Variants in FOXK1 observed in about 807,000 individuals in gnomAD.
FOXK1 encodes the protein forkhead box K1.
In FOXK1, 19 loss-of-function variants were observed where a neutral mutation model predicts 51.9. The ratio of observed to expected loss-of-function variants is 0.37; its 90% CI spans 0.26 to 0.54. FOXK1 has a LOEUF of 0.54. FOXK1 is among the 20% of genes least tolerant of loss of function. The pLI is 0.87. For missense variants in FOXK1, 870 were observed against 1,032.7 expected, an observed-to-expected ratio of 0.84 and a Z score of 2.16; for synonymous variants, 537 against 482.6, an observed-to-expected ratio of 1.11 and a Z score of -1.48.
At chr7:4,726,777 A>C (rs566810776) in intron 1 of FOXK1, among the ~76,000 whole-genome samples, 1 of 152,128 alleles carries the variant, frequency 6.6e-6, no homozygotes. Context: ...CACTCTATTC[A>C]TAGGGGGAAA....
At position 4,706,033 on chromosome 7, in the gene FOXK1, CGTGTATATACGTGTATATAT is replaced by C. The variant is rs1562373212; in HGVS notation, c.560+23168_560+23187del. On this transcript the variant is annotated intron_variant, in intron 1 of 8. Transcript: ENST00000328914. ...ATATACGTATATATACGTGTATATA[CGTGTATATACGTGTATATAT>C]GTATATATATGTGTATATATGTATA... is the stretch of plus-strand genomic sequence containing the variant. Among the ~76,000 whole-genome samples, 153 of 90,634 alleles carry C rather than the reference CGTGTATATACGTGTATATAT, an allele frequency of 1.7e-3. 6 individuals are homozygous for C. Among genetic ancestry groups the C allele is most frequent in the African/African-American group, 0.011 (97 of 8,570 alleles). The allele number at this position is 90,634 out of a possible 152,430, so 59.5% of individuals were successfully genotyped here. A position where few individuals can be genotyped will look rare whatever the true frequency, so the allele number is the denominator to read the frequency against.
intron 1 of FOXK1, among the ~76,000 whole-genome samples, chr7:4,695,936 C>CA (rs72005510): frequency 0.31 from 36,659 of 116,628 alleles, 6,153 homozygotes; most frequent in African/African-American, 0.5. Context: ...AACTCCGTCT[C>CA]AAAAAAAAAA....
At chr7:4,718,094 C>A (rs906840270) in intron 1 of FOXK1, among the ~76,000 whole-genome samples, 11 of 152,194 alleles carry the variant, frequency 7.2e-5, no homozygotes, top group Non-Finnish European at 1.0e-4. Context: ...GACACACTTT[C>A]CATTTGGAAA....
rs1780690844 is a variant in FOXK1 at position 4,745,459 on chromosome 7, TG to T, written c.746+4439del. On this transcript the variant is annotated intron_variant, in intron 2 of 8. Transcript: ENST00000328914. This position sits in a 1 kb window ranked among gnomAD's most constrained non-coding sequence, Gnocchi z 4.3. The stretch of plus-strand genomic sequence containing the variant: ...TTCCCAGGGTGGGTGGGTATGGGTG[TG>T]GGTGTGTGGTTTTGTGTGTGTGTGT... Among the ~76,000 whole-genome samples the T allele has an allele frequency of 7.6e-6, 1 of 132,042 alleles. No homozygotes were observed. The allele number at this position is 132,042 out of a possible 152,430, so 86.6% of individuals were successfully genotyped here.
chr7:4,721,735 C>T (rs532707902), intron 1 of FOXK1, among the ~76,000 whole-genome samples: 10 of 151,802 alleles, frequency 6.6e-5, no homozygotes, highest in Non-Finnish European at 1.0e-4. Context: ...GGATTACAGG[C>T]GTGAGACACC....
chr7:4,725,157 G>A (rs1583197026), intron 1 of FOXK1, among the ~76,000 whole-genome samples: 1 of 152,260 alleles, frequency 6.6e-6, no homozygotes, highest in Non-Finnish European at 1.5e-5. Context: ...CTGCAGGCGC[G>A]CGTTCTCTCT....
chr7:4,766,358 A>AG lies in FOXK1; in HGVS notation c.*3895dup, dbSNP rs1007546841. The stretch of plus-strand genomic sequence containing the variant: ...TAGAGACCCTCAGGTCCCTATCCAG[A>AG]GACCCTCCAGGCAGTGCTGGGAAGA... On this transcript the variant is annotated 3_prime_UTR_variant, in exon 9 of 9. Coordinates refer to ENST00000328914, the MANE Select transcript of FOXK1 (RefSeq NM_001037165.2). The surrounding 1 kb of genome is among the most constrained non-coding windows in gnomAD (Gnocchi z 5.5). The AG allele has an allele frequency of 1.3e-5, 2 of 152,172 alleles. No individual in the cohort carries two copies. The highest frequency in any genetic ancestry group is 1.3e-4 in the Admixed American group (2 of 15,266). 9.4% of individuals were successfully genotyped at this position (152,172 alleles called of 1,614,324 possible).
intron 1 of FOXK1, among the ~76,000 whole-genome samples, chr7:4,720,931 A>T (rs1267118819): frequency 1.3e-5 from 2 of 151,704 alleles, no homozygotes; most frequent in Non-Finnish European, 2.9e-5. Context: ...AGAAAAAAAA[A>T]ACTCAACACA....
intron 1 of FOXK1, among the ~76,000 whole-genome samples, chr7:4,685,353 T>C (rs1779805768): frequency 6.7e-6 from 1 of 149,702 alleles, no homozygotes; most frequent in South Asian, 2.2e-4. Flanking sequence ...TGGCTGGGAC[T>C]ACAGGCGCAC....
At chr7:4,695,533 G>A (rs780220442) in intron 1 of FOXK1, among the ~76,000 whole-genome samples, 9 of 152,196 alleles carry the variant, frequency 5.9e-5, no homozygotes, top group African/African-American at 1.4e-4. Context: ...GGCGGGGCGC[G>A]GTGGCTCATG....
chr7:4,762,436 G>A lies in FOXK1; in HGVS notation c.2174G>A (p.Gly725Asp). Residue 725 changes from glycine to aspartate, a missense_variant, in exon 9 of 9, where the codon GGC (glycine) becomes GAC (aspartate). This residue lies in a region of FOXK1 where 457 missense variants were observed against 510.8 expected (regional missense o/e 0.89). Transcript: ENST00000328914. The surrounding 1 kb of genome is among the most constrained non-coding windows in gnomAD (Gnocchi z 5.7). Reference protein sequence around the residue: ...TTPAGVIAAAGPQGPGTGE With the variant: ...TTPAGVIAAADPQGPGTGE ...CCGGCTGGAGTGATCGCAGCTGCCG[G>A]CCCCCAGGGGCCAGGCACCGGGGAG... 1 of 1,546,194 alleles carries A rather than the reference G, an allele frequency of 6.5e-7. No homozygotes were observed. Among genetic ancestry groups the A allele is most frequent in the Admixed American group, 2.0e-5 (1 of 51,112 alleles).
rs1030300919 is a variant in FOXK1 at position 4,758,662 on chromosome 7, C to G, written c.1245-389C>G. On this transcript the variant is annotated intron_variant, in intron 5 of 8. Transcript: ENST00000328914. The surrounding 1 kb of genome is among the most constrained non-coding windows in gnomAD (Gnocchi z 4.4). ...AGCTCCAAATGACGTTCAAACACCC[C>G]TCTCGGGTAGAGTTTTCATGGTGGA... is the stretch of plus-strand genomic sequence containing the variant. 3 of 215,182 alleles carry G rather than the reference C, an allele frequency of 1.4e-5. No homozygotes were observed. Among genetic ancestry groups the G allele is most frequent in the African/African-American group, 2.3e-5 (1 of 43,252 alleles). 13.3% of individuals were successfully genotyped at this position (215,182 alleles called of 1,614,324 possible).
rs1002849551 is a variant in FOXK1, at chr7:4,747,413, T to A, written c.746+6390T>A. ...TGCCTAACATGAGAGCAGCTCCTGT[T>A]GAAGCCACCATGCTGGTTATTCTCA... On this transcript the variant is annotated intron_variant, in intron 2 of 8. Coordinates refer to ENST00000328914, the MANE Select transcript of FOXK1 (RefSeq NM_001037165.2). The surrounding 1 kb of genome is among the most constrained non-coding windows in gnomAD (Gnocchi z 9.2). 3.9e-4 allele frequency among the ~76,000 whole-genome samples: 60 copies of A among 152,382 alleles called. No individual in the cohort carries two copies. Among genetic ancestry groups the A allele is most frequent in the African/African-American group, 1.3e-3 (56 of 41,600 alleles).
At chr7:4,706,904 T>TC (rs1024573345) in intron 1 of FOXK1, among the ~76,000 whole-genome samples, 13 of 151,748 alleles carry the variant, frequency 8.6e-5, no homozygotes, top group African/African-American at 2.9e-4. Flanking sequence ...CCCTCTCACC[T>TC]CCCCCCGGGA....
rs558683012 is a variant in FOXK1, at chr7:4,770,762, G to A, written c.*8298G>A. 3.3e-5 allele frequency: 5 copies of A among 152,086 alleles called. No homozygotes were observed. The highest frequency in any genetic ancestry group is 2.1e-4 in the South Asian group (1 of 4,824). The allele number at this position is 152,086 out of a possible 1,614,324, so 9.4% of individuals were successfully genotyped here. ...GACAAAGGCCGGCAGCTCAGCACACGTGCAGGAGGGGTTAAAGCCAATATT... is the reference window on the plus strand; with the variant it reads ...GACAAAGGCCGGCAGCTCAGCACACATGCAGGAGGGGTTAAAGCCAATATT... On this transcript the variant is annotated 3_prime_UTR_variant, in exon 9 of 9. Coordinates refer to ENST00000328914, the MANE Select transcript of FOXK1 (RefSeq NM_001037165.2).
Position 4,682,767 on chromosome 7 carries a change from C to T in FOXK1, c.459C>T (p.Phe153=). ...FISRRHLQLS[F]QEPHFYLRCL... is the part of the protein sequence containing the mutation. ...CGCGGCGCCACCTGCAGCTCAGCTT[C>T]CAGGAGCCGCACTTCTACCTGCGCT... is the stretch of plus-strand genomic sequence containing the variant. Residue 153 remains phenylalanine, a synonymous_variant, in exon 1 of 9, where the codon TTC becomes TTT. Transcript: ENST00000328914. This position sits in a 1 kb window ranked among gnomAD's most constrained non-coding sequence, Gnocchi z 7.6. The T allele has an allele frequency of 1.9e-6, 3 of 1,596,730 alleles. No individual in the cohort carries two copies. The South Asian group carries it at 3.3e-5, about 18-fold the overall frequency.
intron 5 of FOXK1, among the ~76,000 whole-genome samples, chr7:4,757,661 A>G (rs1461253731): frequency 1.3e-5 from 2 of 150,780 alleles, no homozygotes; most frequent in Admixed American, 6.6e-5. Context: ...AAAAAAAAAA[A>G]AAAGTAATAC....
intron 1 of FOXK1, among the ~76,000 whole-genome samples, chr7:4,701,079 C>T (rs1315794760): frequency 3.3e-5 from 5 of 152,182 alleles, no homozygotes; most frequent in African/African-American, 1.2e-4. Flanking sequence ...CAGGGGCGGC[C>T]GCTCACCAGC....
rs950037990 is a variant in FOXK1 at position 4,762,197 on chromosome 7, T to G, written c.1935T>G (p.Pro645=). The G allele has an allele frequency of 1.3e-6, 2 of 1,552,782 alleles. No individual in the cohort carries two copies. Among genetic ancestry groups the G allele is most frequent in the Admixed American group, 1.9e-5 (1 of 52,178 alleles). Residue 645 remains proline, a synonymous_variant, in exon 9 of 9, where the codon CCT becomes CCG. Transcript: ENST00000328914. The surrounding 1 kb of genome is among the most constrained non-coding windows in gnomAD (Gnocchi z 5.7). ...LAGNAYALTS[P]LQLLATQASS... Reference sequence around the variant, plus strand: ...CCTCCACTCCAGCCCTCACCAGCCCTTTGCAGCTCCTTGCGACCCAAGCGA... The same window carrying G: ...CCTCCACTCCAGCCCTCACCAGCCCGTTGCAGCTCCTTGCGACCCAAGCGA...
Sources: gnomAD v4.1 joint callset for allele counts (sites outside exome capture counted in the v4.1 genomes callset) on GRCh38, gnomAD v4.1.1 for gene constraint, gnomAD v4.1.1 regional missense constraint, Gnocchi (gnomAD v3.1) non-coding constraint, MANE v1.5 for transcripts, NCBI Gene and HGNC (gene_info 2026-07-23, HGNC 2026-07-21) for gene names.